LARGE1: variants seen among roughly 807,000 people sequenced by gnomAD.
LARGE1 encodes LARGE xylosyl- and glucuronyltransferase 1.
A neutral mutation model predicts 87.6 loss-of-function variants in LARGE1; 43 were observed. The ratio of observed to expected loss-of-function variants is 0.49; its 90% CI spans 0.38 to 0.63. LARGE1 has a LOEUF of 0.63. LARGE1 is among the 30% of genes least tolerant of loss of function. LARGE1 has a pLI of 0.00. For missense variants in LARGE1, 802 were observed against 1,000.2 expected (o/e 0.80, Z 2.67); for synonymous variants, 434 against 394.6 (o/e 1.10, Z -1.18).
At chr22:33,515,516 T>C (rs2071263128) in intron 6 of LARGE1, among the ~76,000 whole-genome samples, 1 of 152,158 alleles carries the variant, frequency 6.6e-6, no homozygotes, top group African/African-American at 2.4e-5. Flanking sequence ...AATGAACTCA[T>C]TTTCACAGGG....
intron 11 of LARGE1, among the ~76,000 whole-genome samples, chr22:33,250,578 C>T (rs547317613): frequency 7.2e-5 from 11 of 152,276 alleles, no homozygotes; most frequent in Non-Finnish European, 1.2e-4. Flanking sequence ...CAGGAGATAT[C>T]CTTCCTGATT....
intron 1 of LARGE1, among the ~76,000 whole-genome samples, chr22:33,833,139 T>A (rs773853060): frequency 6.6e-6 from 1 of 152,234 alleles, no homozygotes; most frequent in Non-Finnish European, 1.5e-5. Context: ...CTGACTTTTA[T>A]TTATGTTTAC....
the LARGE1 span, among the ~76,000 whole-genome samples, chr22:33,147,516 C>T: frequency 6.6e-6 from 1 of 152,038 alleles, no homozygotes; most frequent in Admixed American, 6.6e-5. Context: ...ATGTTTTAAA[C>T]ATTGTATTTG....
intron 2 of LARGE1, among the ~76,000 whole-genome samples, chr22:33,744,566 C>T (rs1338444370): frequency 6.6e-6 from 1 of 152,216 alleles, no homozygotes; most frequent in Admixed American, 6.5e-5. Context: ...TGCCTGCTGC[C>T]GTGATGCCCT....
chr22:33,263,771 A>G (rs1927775702), intron 11 of LARGE1, among the ~76,000 whole-genome samples: 1 of 152,220 alleles, frequency 6.6e-6, no homozygotes, highest in Non-Finnish European at 1.5e-5. Flanking sequence ...AGTGGAAAAC[A>G]AATACACTCC....
At chr22:33,921,624 T>C (rs1028529617), upstream of LARGE1, among the ~76,000 whole-genome samples, 8 of 152,062 alleles carry the variant, frequency 5.3e-5, no homozygotes, top group African/African-American at 1.9e-4. This position sits in a 1 kb window ranked among gnomAD's most constrained non-coding sequence, Gnocchi z 4.1. Flanking sequence ...GTCCAAGGCT[T>C]CCTCTTCCTC....
chr22:33,598,393 C>T (rs2079033383), intron 5 of LARGE1, among the ~76,000 whole-genome samples: 1 of 152,152 alleles, frequency 6.6e-6, no homozygotes, highest in African/African-American at 2.4e-5. Flanking sequence ...TATTATTATA[C>T]TTTAAGTTAT....
At chr22:33,819,552 C>A (rs2086758571) in intron 1 of LARGE1, among the ~76,000 whole-genome samples, 2 of 152,060 alleles carry the variant, frequency 1.3e-5, no homozygotes, top group Non-Finnish European at 2.9e-5. Context: ...GCCTCCTTAG[C>A]ACCAGCTCCA....
intron 6 of LARGE1, among the ~76,000 whole-genome samples, chr22:33,466,725 C>CA (rs1555925590): frequency 3.1e-4 from 47 of 151,734 alleles, no homozygotes; most frequent in African/African-American, 9.2e-4. Context: ...TACACACACA[C>CA]ACTACACACA....
chr22:33,778,488 C>G (rs2145873433), intron 1 of LARGE1, among the ~76,000 whole-genome samples: 1 of 152,320 alleles, frequency 6.6e-6, no homozygotes, highest in Middle Eastern at 3.4e-3. Flanking sequence ...TTCCCTTACT[C>G]CTCGTCCCTG....
intron 2 of LARGE1, among the ~76,000 whole-genome samples, chr22:33,739,906 A>G (rs1387133308): frequency 6.6e-6 from 1 of 152,224 alleles, no homozygotes; most frequent in Non-Finnish European, 1.5e-5. Flanking sequence ...GAAGCGGAGA[A>G]GGACCCCCTG....
At chr22:33,651,121 G>A (rs981959567) in intron 2 of LARGE1, among the ~76,000 whole-genome samples, 16 of 151,094 alleles carry the variant, frequency 1.1e-4, no homozygotes, top group African/African-American at 3.4e-4. Flanking sequence ...AGTGGCTCAC[G>A]CCTGTGATCC....
intron 11 of LARGE1, among the ~76,000 whole-genome samples, chr22:33,257,439 AC>A (rs1380037173): frequency 7.3e-5 from 11 of 151,550 alleles, no homozygotes; most frequent in East Asian, 1.9e-4. Flanking sequence ...AAAAACAAAA[AC>A]AAAAACAAAA....
chr22:33,909,679 C>T (rs9609886), intron 1 of LARGE1, among the ~76,000 whole-genome samples: 19,530 of 152,114 alleles, frequency 0.13, 1,631 homozygotes, highest in East Asian at 0.4. Context: ...GCTGGGACTA[C>T]AGGCGCCCGC....
chr22:33,848,850 G>A (rs2146485014), intron 1 of LARGE1, among the ~76,000 whole-genome samples: 1 of 152,268 alleles, frequency 6.6e-6, no homozygotes, highest in Non-Finnish European at 1.5e-5. Flanking sequence ...CTTCGGGTCT[G>A]TAGATTGGAG....
At chr22:33,519,957 G>A (rs1208144168) in intron 6 of LARGE1, among the ~76,000 whole-genome samples, 1 of 151,398 alleles carries the variant, frequency 6.6e-6, no homozygotes, top group Non-Finnish European at 1.5e-5. Context: ...CTTGCTGAGA[G>A]GCTAAGAGAC....
At chr22:33,705,186 C>T (rs1315091648) in intron 2 of LARGE1, among the ~76,000 whole-genome samples, 1 of 152,166 alleles carries the variant, frequency 6.6e-6, no homozygotes, top group East Asian at 1.9e-4. Flanking sequence ...CAGCACAACA[C>T]AACACACACC....
intron 2 of LARGE1, among the ~76,000 whole-genome samples, chr22:33,760,999 T>A (rs967489602): frequency 8.6e-5 from 13 of 151,768 alleles, no homozygotes; most frequent in African/African-American, 2.9e-4. Flanking sequence ...ACCACCACGA[T>A]GTTGAATGGG....
chr22:33,441,316 C>T (rs911118110), intron 6 of LARGE1, among the ~76,000 whole-genome samples: 8 of 152,102 alleles, frequency 5.3e-5, no homozygotes, highest in African/African-American at 9.6e-5. Flanking sequence ...TCAGGTGATC[C>T]GCCCACCTCG....
Sources: allele counts gnomAD v4.1 joint callset (sites outside exome capture counted in the v4.1 genomes callset), GRCh38; gene constraint gnomAD v4.1.1; non-coding constraint Gnocchi (gnomAD v3.1); transcripts MANE v1.5; gene names NCBI Gene and HGNC (gene_info 2026-07-23, HGNC 2026-07-21).